TCERG1L: variants seen among roughly 807,000 people sequenced by gnomAD.
TCERG1L encodes transcription elongation regulator 1 like.
Under a neutral mutation model 56.3 loss-of-function variants are expected in TCERG1L, and 37 were observed. The observed-to-expected ratio is 0.66, with a 90% CI of 0.51 to 0.87. TCERG1L has a LOEUF of 0.87. Among genes scored for constraint, TCERG1L ranks in the 40% least tolerant of loss-of-function variants. TCERG1L has a pLI of 0.00. For synonymous variants in TCERG1L, 324 were observed against 326.3 expected, an observed-to-expected ratio of 0.99 and a Z score of 0.08; for missense variants, 799 against 774.2, an observed-to-expected ratio of 1.03 and a Z score of -0.38.
At chr10:131,176,831 TG>T in intron 4 of TCERG1L, among the ~76,000 whole-genome samples, 1 of 139,760 alleles carries the variant, frequency 7.2e-6, no homozygotes, top group Non-Finnish European at 1.5e-5. Flanking sequence ...CACAGACACG[TG>T]TACACACAGG....
chr10:131,129,501 T>C (rs1004204997), intron 8 of TCERG1L, among the ~76,000 whole-genome samples: 1 of 152,228 alleles, frequency 6.6e-6, no homozygotes, highest in African/African-American at 2.4e-5. Context: ...AGCTTTTATG[T>C]TGAGCTTTTC....
chr10:131,153,004 G>A (rs1234343049), intron 6 of TCERG1L, among the ~76,000 whole-genome samples: 1 of 152,130 alleles, frequency 6.6e-6, no homozygotes, highest in Non-Finnish European at 1.5e-5. Context: ...GGGATTATGG[G>A]GATTACAATT....
intron 4 of TCERG1L, among the ~76,000 whole-genome samples, chr10:131,249,953 A>G (rs1846088532): frequency 6.6e-6 from 1 of 152,234 alleles, no homozygotes; most frequent in Non-Finnish European, 1.5e-5. Context: ...TGCTCCCAGA[A>G]AGGAGCACAC....
intron 4 of TCERG1L, among the ~76,000 whole-genome samples, chr10:131,219,964 C>G (rs1303305218): frequency 6.6e-6 from 1 of 152,162 alleles, no homozygotes; most frequent in Non-Finnish European, 1.5e-5. Flanking sequence ...GCGCGTAGAA[C>G]AGAGGGGCTC....
intron 4 of TCERG1L, among the ~76,000 whole-genome samples, chr10:131,218,621 G>A (rs1277042877): frequency 3.3e-5 from 5 of 152,260 alleles, no homozygotes; most frequent in Admixed American, 1.3e-4. Flanking sequence ...AGCCTGCTGA[G>A]TAGCTGGGAT....
At chr10:131,309,121 CCCTTAT>C in intron 2 of TCERG1L, 26 bp downstream of exon 2, 1 of 1,595,752 alleles carries the variant, frequency 6.3e-7, no homozygotes, top group Non-Finnish European at 8.5e-7. Context: ...CATTAAAAGC[CCCTTAT>C]CCAATTAAAT....
At chr10:131,134,134 C>G (rs1230146963) in intron 8 of TCERG1L, among the ~76,000 whole-genome samples, 2 of 152,146 alleles carry the variant, frequency 1.3e-5, no homozygotes, top group African/African-American at 4.8e-5. Flanking sequence ...CATGTGGGCG[C>G]CTGGGTAGGC....
intron 4 of TCERG1L, among the ~76,000 whole-genome samples, chr10:131,245,677 G>C (rs1846025591): frequency 1.3e-5 from 2 of 152,228 alleles, no homozygotes; most frequent in Middle Eastern, 3.2e-3. Context: ...AACAGGCAGG[G>C]ACCTTCCCGA....
intron 4 of TCERG1L, among the ~76,000 whole-genome samples, chr10:131,240,918 G>A (rs1040114752): frequency 1.3e-5 from 2 of 152,208 alleles, no homozygotes; most frequent in South Asian, 2.1e-4. Flanking sequence ...GCGGCATCAG[G>A]GCCTTTGGCT....
chr10:131,261,051 G>A (rs1846233424), intron 3 of TCERG1L, among the ~76,000 whole-genome samples: 1 of 152,166 alleles, frequency 6.6e-6, no homozygotes. Context: ...GCAGGGAGTG[G>A]CCGGTCACCA....
intron 1 of TCERG1L, among the ~76,000 whole-genome samples, chr10:131,310,498 G>A (rs1438507): frequency 0.33 from 50,534 of 152,092 alleles, 8,764 homozygotes; most frequent in Non-Finnish European, 0.38. Context: ...TGCTAATGAG[G>A]TCAATCCTTG....
chr10:131,132,887 T>G (rs1157408473), intron 8 of TCERG1L, among the ~76,000 whole-genome samples: 1 of 152,194 alleles, frequency 6.6e-6, no homozygotes, highest in Non-Finnish European at 1.5e-5. Context: ...CCCTGCCACG[T>G]GCGGCCCTAG....
chr10:131,176,822 A>C (rs2133447061), intron 4 of TCERG1L, among the ~76,000 whole-genome samples: 1 of 1,876 alleles, frequency 5.3e-4, no homozygotes, highest in Non-Finnish European at 1.1e-3. Flanking sequence ...ACATGCACAC[A>C]CAGACACGTG....
chr10:131,140,581 G>A (rs1039019060), intron 7 of TCERG1L, among the ~76,000 whole-genome samples: 1 of 152,208 alleles, frequency 6.6e-6, no homozygotes, highest in South Asian at 2.1e-4. Context: ...TCTTTGTGGA[G>A]AAGTCAGTGT....
intron 8 of TCERG1L, 113 bp downstream of exon 8, chr10:131,134,266 G>T: frequency 1.0e-6 from 1 of 958,826 alleles, no homozygotes; most frequent in Non-Finnish European, 1.6e-6. Flanking sequence ...CTGTCTAGCG[G>T]TTGAATTAGC....
At chr10:131,265,022 A>G (rs1048950759) in intron 3 of TCERG1L, among the ~76,000 whole-genome samples, 5 of 152,192 alleles carry the variant, frequency 3.3e-5, no homozygotes, top group Admixed American at 3.3e-4. Flanking sequence ...CCCTTAATTA[A>G]GAAGACAGGA....
At chr10:131,220,511 C>A (rs1320927685) in intron 4 of TCERG1L, among the ~76,000 whole-genome samples, 3 of 152,228 alleles carry the variant, frequency 2.0e-5, no homozygotes, top group Admixed American at 1.3e-4. Context: ...CTACTCAACT[C>A]TGGCTACTGA....
At chr10:131,163,000 G>A in intron 6 of TCERG1L, 122 bp downstream of exon 6, 2 of 736,866 alleles carry the variant, frequency 2.7e-6, no homozygotes, top group Non-Finnish European at 4.2e-6. Context: ...GGAGTTGCAA[G>A]TTCATTGTTT....
intron 4 of TCERG1L, among the ~76,000 whole-genome samples, chr10:131,187,725 C>T (rs1022288659): frequency 3.5e-4 from 53 of 152,202 alleles, no homozygotes; most frequent in African/African-American, 8.9e-4. Context: ...AATACTGCCC[C>T]CAAGAGAGGA....
Sources: allele counts gnomAD v4.1 joint callset (sites outside exome capture counted in the v4.1 genomes callset), GRCh38; gene constraint gnomAD v4.1.1; transcripts MANE v1.5; gene names NCBI Gene and HGNC (gene_info 2026-07-23, HGNC 2026-07-21).